The following RTN1 variants were observed in gnomAD, a reference collection of about 807,000 sequenced individuals.
The protein encoded by RTN1 is reticulon 1.
Under a neutral mutation model 65.5 loss-of-function variants are expected in RTN1, and 25 were observed. The observed-to-expected ratio is 0.38, with a 90% CI of 0.28 to 0.53. The LOEUF (loss-of-function observed/expected upper bound fraction) is 0.53, where lower values mean the gene tolerates loss of function less well. Among genes scored for constraint, RTN1 ranks in the 20% least tolerant of loss-of-function variants. The pLI is 0.79. For synonymous variants in RTN1, 471 were observed against 447.6 expected (o/e 1.05, Z -0.66); for missense variants, 983 against 1,025.4 (o/e 0.96, Z 0.57).
At chr14:59,788,723 C>T (rs1886295920) in intron 1 of RTN1, among the ~76,000 whole-genome samples, 1 of 152,136 alleles carries the variant, frequency 6.6e-6, no homozygotes, top group South Asian at 2.1e-4. Flanking sequence ...TCTTTTTCAG[C>T]TCTAAGCTGT....
chr14:59,702,226 G>A (rs956458941), intron 3 of RTN1, among the ~76,000 whole-genome samples: 4 of 152,058 alleles, frequency 2.6e-5, no homozygotes, highest in African/African-American at 9.7e-5. Flanking sequence ...GAGTGCTGCC[G>A]TGCACTGGAA....
chr14:59,610,528 A>G (rs948032142), intron 3 of RTN1, among the ~76,000 whole-genome samples: 2 of 152,162 alleles, frequency 1.3e-5, no homozygotes, highest in African/African-American at 4.8e-5. Flanking sequence ...AACTTGTAAA[A>G]CCACCTTTGC....
rs1373554598 is a variant in RTN1, at chr14:59,766,282, AG to A, written c.242-19802del. On this transcript the variant is annotated intron_variant, in intron 1 of 8. Coordinates refer to ENST00000267484, the MANE Select transcript of RTN1 (RefSeq NM_021136.3). This position sits in a 1 kb window ranked among gnomAD's most constrained non-coding sequence, Gnocchi z 4.4. ...AGAATTTAATCTGTGCCTCAACACAAGGTAGTTTTCGAAATAAATGCTTACT... is the reference window on the plus strand; with the variant it reads ...AGAATTTAATCTGTGCCTCAACACAAGTAGTTTTCGAAATAAATGCTTACT... Among the ~76,000 whole-genome samples the A allele has an allele frequency of 1.3e-5, 2 of 152,178 alleles. No individual in the cohort carries two copies. The highest frequency in any genetic ancestry group is 2.4e-5 in the African/African-American group (1 of 41,452).
intron 2 of RTN1, among the ~76,000 whole-genome samples, chr14:59,736,823 T>G (rs941507000): frequency 6.6e-5 from 10 of 152,194 alleles, no homozygotes; most frequent in African/African-American, 2.4e-4. Context: ...AAAAAGTTTA[T>G]CCACCACAAT....
chr14:59,856,878 T>C (rs1001221501), intron 1 of RTN1, among the ~76,000 whole-genome samples: 5 of 152,210 alleles, frequency 3.3e-5, no homozygotes, highest in African/African-American at 1.2e-4. Flanking sequence ...TCTTGTGTTA[T>C]CCCATTTTAT....
At chr14:59,749,160 C>CTATCTA (rs1566710951) in intron 1 of RTN1, among the ~76,000 whole-genome samples, 6 of 55,230 alleles carry the variant, frequency 1.1e-4, no homozygotes, top group East Asian at 9.4e-4. Context: ...CTATCTATAT[C>CTATCTA]TATCTATATA....
intron 1 of RTN1, among the ~76,000 whole-genome samples, chr14:59,832,476 T>C (rs915519581): frequency 3.9e-5 from 6 of 152,208 alleles, no homozygotes; most frequent in Admixed American, 2.6e-4. Flanking sequence ...CTGTCAGCAA[T>C]TCTCCCTTAC....
At chr14:59,819,414 ACCC>A (rs1566737477) in intron 1 of RTN1, among the ~76,000 whole-genome samples, 4 of 31,862 alleles carry the variant, frequency 1.3e-4, no homozygotes, top group African/African-American at 1.2e-3. Context: ...CACCACCACC[ACCC>A]CCCCCCCACC....
At chr14:59,832,135 T>C (rs746515630) in intron 1 of RTN1, among the ~76,000 whole-genome samples, 2 of 152,148 alleles carry the variant, frequency 1.3e-5, no homozygotes, top group Non-Finnish European at 2.9e-5. Flanking sequence ...ATTAAATGGA[T>C]ATGGACCAAA....
chr14:59,763,960 C>T (rs955212552), intron 1 of RTN1, among the ~76,000 whole-genome samples: 3 of 152,156 alleles, frequency 2.0e-5, no homozygotes, highest in African/African-American at 7.2e-5. Context: ...AGAATAGTTG[C>T]TATTGTGAGG....
chr14:59,675,413 G>C lies in RTN1; in HGVS notation c.1765+51506C>G, dbSNP rs929038962. On this transcript the variant is annotated intron_variant, in intron 3 of 8. Transcript: ENST00000267484. ...GGGGATCAGGAGACTAGTTAAAGTA[G>C]AAAAATTAATTATTTGAGACCTATA... Among the ~76,000 whole-genome samples the C allele has an allele frequency of 3.9e-4, 53 of 134,248 alleles. 1 individual carries two copies. The highest frequency in any genetic ancestry group is 1.6e-3 in the African/African-American group (52 of 32,958). 88.1% of individuals were successfully genotyped at this position (134,248 alleles called of 152,430 possible).
chr14:59,777,818 A>G (rs1886080304), intron 1 of RTN1, among the ~76,000 whole-genome samples: 2 of 109,208 alleles, frequency 1.8e-5, no homozygotes, highest in Non-Finnish European at 1.9e-5. Flanking sequence ...AACAACAACA[A>G]CAACAAAAAA....
intron 1 of RTN1, among the ~76,000 whole-genome samples, chr14:59,765,088 G>A (rs951038687): frequency 2.0e-5 from 3 of 151,484 alleles, no homozygotes; most frequent in Non-Finnish European, 4.4e-5. Flanking sequence ...AAATTGCCTC[G>A]TAAAATGCTG....
Position 59,794,388 on chromosome 14 carries a change from G to A in RTN1, c.242-47907C>T, listed in dbSNP as rs1886404047. ...CATCACAAACTTGAAAGTATTCTAA[G>A]CCACTGGATCAAATCACCTCCAAAG... On this transcript the variant is annotated intron_variant, in intron 1 of 8. Coordinates refer to ENST00000267484, the MANE Select transcript of RTN1 (RefSeq NM_021136.3). The surrounding 1 kb of genome is among the most constrained non-coding windows in gnomAD (Gnocchi z 5.1). Among the ~76,000 whole-genome samples the A allele has an allele frequency of 6.6e-6, 1 of 152,152 alleles. No individual in the cohort carries two copies. The highest frequency in any genetic ancestry group is 1.5e-5 in the Non-Finnish European group (1 of 68,030).
chr14:59,787,402 A>T (rs1178483896), intron 1 of RTN1, among the ~76,000 whole-genome samples: 1 of 152,206 alleles, frequency 6.6e-6, no homozygotes, highest in Non-Finnish European at 1.5e-5. Flanking sequence ...TACCAGTCTC[A>T]TAGGTCCATG....
Position 59,614,083 on chromosome 14 carries a change from C to A in RTN1, c.1766-6591G>T, listed in dbSNP as rs530122621. ...GACAAGAAAACGCCCCCACTACCCC[C>A]ACTGGGAGATGAGACTCCCAGGAGA... is the stretch of plus-strand genomic sequence containing the variant. On this transcript the variant is annotated intron_variant, in intron 3 of 8. Coordinates refer to ENST00000267484, the MANE Select transcript of RTN1 (RefSeq NM_021136.3). 5.9e-5 allele frequency among the ~76,000 whole-genome samples: 9 copies of A among 152,302 alleles called. 1 individual carries two copies. Among genetic ancestry groups the A allele is most frequent in the African/African-American group, 1.9e-4 (8 of 41,552 alleles).
intron 3 of RTN1, among the ~76,000 whole-genome samples, chr14:59,706,313 C>T (rs1043337098): frequency 4.6e-5 from 7 of 152,176 alleles, no homozygotes; most frequent in African/African-American, 1.7e-4. Flanking sequence ...ACCATTTAGT[C>T]TTCCTCTGAA....
At chr14:59,823,882 A>G (rs537903349) in intron 1 of RTN1, among the ~76,000 whole-genome samples, 2 of 152,236 alleles carry the variant, frequency 1.3e-5, no homozygotes, top group East Asian at 3.9e-4. Flanking sequence ...CTCTCTCTCC[A>G]TCTCTTTCAG....
chr14:59,662,332 C>G (rs1262115722), intron 3 of RTN1, among the ~76,000 whole-genome samples: 1 of 141,704 alleles, frequency 7.1e-6, no homozygotes, highest in Non-Finnish European at 1.5e-5. Context: ...CACAACAGGC[C>G]CCGGTGTGTG....
Sources: allele counts gnomAD v4.1 joint callset (sites outside exome capture counted in the v4.1 genomes callset), GRCh38; gene constraint gnomAD v4.1.1; non-coding constraint Gnocchi (gnomAD v3.1); transcripts MANE v1.5; gene names NCBI Gene and HGNC (gene_info 2026-07-23, HGNC 2026-07-21).